The following CACNA1D variants were observed in gnomAD, a reference collection of about 807,000 sequenced individuals.
CACNA1D encodes voltage-dependent L-type calcium channel subunit alpha-1D.
In CACNA1D, 55 loss-of-function variants were observed where a neutral mutation model predicts 257.1. The ratio of observed to expected loss-of-function variants is 0.21; its 90% CI spans 0.17 to 0.27. The LOEUF is 0.27. Ranked by LOEUF, CACNA1D falls within the 10% of genes least tolerant of loss-of-function variation. The pLI, the probability that CACNA1D is intolerant of heterozygous loss-of-function variation, is 1.00. For missense variants in CACNA1D, 1,876 were observed against 2,784.0 expected, an observed-to-expected ratio of 0.67 and a Z score of 7.34; for synonymous variants, 980 against 1,014.9, an observed-to-expected ratio of 0.97 and a Z score of 0.65.
chr3:53,529,729 T>TCA (rs1201836939), intron 3 of CACNA1D, among the ~76,000 whole-genome samples: 51 of 152,314 alleles, frequency 3.3e-4, no homozygotes, highest in African/African-American at 1.2e-3. Flanking sequence ...TGGGAAATAC[T>TCA]TTAAGTGGGT....
chr3:53,551,526 A>C (rs2107584425), intron 3 of CACNA1D, among the ~76,000 whole-genome samples: 1 of 152,338 alleles, frequency 6.6e-6, no homozygotes, highest in Non-Finnish European at 1.5e-5. Flanking sequence ...TCACCAGCTC[A>C]CACATCTACA....
At chr3:53,799,303 A>G (rs979262047) in intron 40 of CACNA1D, among the ~76,000 whole-genome samples, 3 of 152,210 alleles carry the variant, frequency 2.0e-5, no homozygotes, top group Non-Finnish European at 2.9e-5. Context: ...TCATTCTCTC[A>G]GAGCTGGAGC....
intron 8 of CACNA1D, among the ~76,000 whole-genome samples, chr3:53,701,234 C>T (rs1435908826): frequency 6.6e-6 from 1 of 152,112 alleles, no homozygotes; most frequent in African/African-American, 2.4e-5. Flanking sequence ...CTCTGCCTCC[C>T]AGGTTCAAGC....
In CACNA1D at chr3:53,642,794, G is replaced by A. The variant is rs886536087; in HGVS notation, c.484-7985G>A. Among the ~76,000 whole-genome samples, 4 of 152,242 alleles carry A rather than the reference G, an allele frequency of 2.6e-5. No individual in the cohort carries two copies. The South Asian group carries it at 6.2e-4, about 24-fold the overall frequency. On this transcript the variant is annotated intron_variant, in intron 3 of 47. Transcript: ENST00000350061. ...CTTGCCCCACCTGGGTGATTGTGGG[G>A]TCACTGAACTGTCGTGGGATCTCAG...
chr3:53,599,275 T>G (rs1279562035), intron 3 of CACNA1D, among the ~76,000 whole-genome samples: 1 of 152,238 alleles, frequency 6.6e-6, no homozygotes, highest in Non-Finnish European at 1.5e-5. Context: ...CATTGGACTT[T>G]TGGCTGTTTT....
chr3:53,569,840 G>A (rs2092912684), intron 3 of CACNA1D, among the ~76,000 whole-genome samples: 1 of 152,162 alleles, frequency 6.6e-6, no homozygotes, highest in African/African-American at 2.4e-5. Flanking sequence ...CAGAGCCTTA[G>A]TGGAAACATA....
intron 39 of CACNA1D, 104 bp downstream of exon 39, chr3:53,781,771 A>G (rs2095426610): frequency 3.6e-6 from 3 of 823,002 alleles, no homozygotes; most frequent in Non-Finnish European, 6.4e-6. Flanking sequence ...TTTATGTATC[A>G]TTTAGAGCAT....
At position 53,637,047 on chromosome 3, in the gene CACNA1D, T is replaced by G. The variant is rs139715025; in HGVS notation, c.484-13732T>G. 7.8e-3 allele frequency among the ~76,000 whole-genome samples: 1,188 copies of G among 152,180 alleles called. 11 individuals are homozygous for G. The highest frequency in any genetic ancestry group is 0.026 in the African/African-American group (1,086 of 41,414). ...ATTTTATTTTCCTCGCTCTTTTTTT[T>G]TCATTTTACCTTATTCTTCTGTCCT... On this transcript the variant is annotated intron_variant, in intron 3 of 47. Coordinates refer to ENST00000350061, the MANE Select transcript of CACNA1D (RefSeq NM_001128840.3).
intron 3 of CACNA1D, among the ~76,000 whole-genome samples, chr3:53,568,381 G>A (rs889488239): frequency 6.6e-6 from 1 of 152,008 alleles, no homozygotes; most frequent in Non-Finnish European, 1.5e-5. Context: ...CCTCTCTCCC[G>A]AAACCTCCAG....
At chr3:53,795,983 C>A in intron 40 of CACNA1D, 1 of 189,252 alleles carries the variant, frequency 5.3e-6, no homozygotes, top group Non-Finnish European at 1.1e-5. Flanking sequence ...ACACAAGGAC[C>A]ATTCACAATG....
Position 53,494,973 on chromosome 3 carries a change from G to T in CACNA1D, c.-194G>T. On this transcript the variant is annotated 5_prime_UTR_variant, in exon 1 of 48. Transcript: ENST00000350061. ...GAAAAAGAGAGAGCTTGGGTGGCGA[G>T]CGGTTTTTTTTTTAAATCAATTATC... The T allele has an allele frequency of 3.3e-6, 2 of 598,560 alleles. No homozygotes were observed. The highest frequency in any genetic ancestry group is 5.8e-5 in the Admixed American group (2 of 34,354). The allele number at this position is 598,560 out of a possible 1,614,324, so 37.1% of individuals were successfully genotyped here. A position where few individuals can be genotyped will look rare whatever the true frequency, so the allele number is the denominator to read the frequency against.
intron 3 of CACNA1D, among the ~76,000 whole-genome samples, chr3:53,621,755 T>C (rs1297428595): frequency 6.6e-6 from 1 of 152,152 alleles, no homozygotes; most frequent in Non-Finnish European, 1.5e-5. Context: ...AAATAAAGCA[T>C]CCATGCAACA....
At chr3:53,598,910 C>T (rs986167005) in intron 3 of CACNA1D, among the ~76,000 whole-genome samples, 1 of 152,142 alleles carries the variant, frequency 6.6e-6, no homozygotes, top group Non-Finnish European at 1.5e-5. Context: ...AGCTGAGAAA[C>T]TTCATGCCAT....
chr3:53,662,484 G>A (rs1257240635), intron 5 of CACNA1D, among the ~76,000 whole-genome samples: 1 of 152,110 alleles, frequency 6.6e-6, no homozygotes, highest in East Asian at 1.9e-4. Flanking sequence ...ATTTATCAAA[G>A]TTCAAGACCA....
Position 53,719,034 on chromosome 3 carries a change from T to C in CACNA1D, c.1478+646T>C, listed in dbSNP as rs552320766. ...GGGCTGTGGCAGCTGGCGGGGGGGC[T>C]GGGGGGGACCAGCAGTGCAGAATGT... On this transcript the variant is annotated intron_variant, in intron 10 of 47. Transcript: ENST00000350061. Among the ~76,000 whole-genome samples the C allele has an allele frequency of 6.9e-5, 8 of 116,474 alleles. No individual in the cohort carries two copies. In the South Asian group the frequency reaches 1.8e-3, roughly 26 times the overall value. 76.4% of individuals were successfully genotyped at this position (116,474 alleles called of 152,430 possible). A position where few individuals can be genotyped will look rare whatever the true frequency, so the allele number is the denominator to read the frequency against.
intron 3 of CACNA1D, among the ~76,000 whole-genome samples, chr3:53,626,878 G>A (rs1014604535): frequency 5.9e-5 from 9 of 152,120 alleles, no homozygotes; most frequent in Admixed American, 3.9e-4. Context: ...TTAACGAAAC[G>A]TCAGTGTTTT....
At chr3:53,530,152 A>G (rs1389579913) in intron 3 of CACNA1D, among the ~76,000 whole-genome samples, 1 of 152,260 alleles carries the variant, frequency 6.6e-6, no homozygotes, top group Admixed American at 6.5e-5. Context: ...GGTAAAGTAT[A>G]GAATGGAATT....
rs536293304 is a variant in CACNA1D at position 53,739,825 on chromosome 3, C to T, written c.2752-455C>T. ...GGAAGCTACTGGCTCCGACAGATGC[C>T]GCTGCCATCTTCATTTATGCTTCTC... On this transcript the variant is annotated intron_variant, in intron 20 of 47. Transcript: ENST00000350061. Among the ~76,000 whole-genome samples the T allele has an allele frequency of 9.2e-5, 14 of 152,308 alleles. 1 individual carries two copies. The highest frequency in any genetic ancestry group is 7.7e-4 in the East Asian group (4 of 5,186).
chr3:53,761,296 CTT>C (rs2108943149), intron 29 of CACNA1D, among the ~76,000 whole-genome samples: 1 of 152,338 alleles, frequency 6.6e-6, no homozygotes, highest in Non-Finnish European at 1.5e-5. Context: ...ATTCCATACT[CTT>C]TTCTACTATA....
Sources: gnomAD v4.1 joint callset for allele counts (sites outside exome capture counted in the v4.1 genomes callset) on GRCh38, gnomAD v4.1.1 for gene constraint, MANE v1.5 for transcripts, NCBI Gene and HGNC (gene_info 2026-07-23, HGNC 2026-07-21) for gene names.